TRPM3: variants seen among roughly 807,000 people sequenced by gnomAD.
TRPM3 encodes long transient receptor potential channel 3.
A neutral mutation model predicts 181.2 loss-of-function variants in TRPM3; 77 were observed. That is an observed-to-expected ratio of 0.42 (90% CI 0.35 to 0.51). The LOEUF (loss-of-function observed/expected upper bound fraction) is 0.51. TRPM3 is among the 20% of genes least tolerant of loss of function. The pLI is 0.01. For missense variants in TRPM3, 1,759 were observed against 2,196.7 expected, an observed-to-expected ratio of 0.80 and a Z score of 3.98; for synonymous variants, 745 against 796.4, an observed-to-expected ratio of 0.94 and a Z score of 1.09.
intron 1 of TRPM3, among the ~76,000 whole-genome samples, chr9:70,889,825 C>A (rs1310044475): frequency 2.6e-5 from 4 of 151,052 alleles, no homozygotes; most frequent in African/African-American, 9.7e-5. Context: ...TAAAATGAAA[C>A]AATAAAGGAA....
intron 1 of TRPM3, among the ~76,000 whole-genome samples, chr9:70,928,128 A>T (rs901635934): frequency 2.6e-5 from 4 of 152,198 alleles, no homozygotes; most frequent in African/African-American, 9.6e-5. Flanking sequence ...AGTCAGAGAG[A>T]TAGATCTAGG....
chr9:70,572,422 C>G (rs2052686315), intron 22 of TRPM3, among the ~76,000 whole-genome samples: 1 of 152,122 alleles, frequency 6.6e-6, no homozygotes, highest in African/African-American at 2.4e-5. Flanking sequence ...TAGCTAAACT[C>G]CAAACTTGAT....
chr9:71,170,000 C>CAAAAAAAAAAAAAAAAA (rs34087746), intron 1 of TRPM3, among the ~76,000 whole-genome samples: 1 of 77,166 alleles, frequency 1.3e-5, no homozygotes, highest in Non-Finnish European at 2.4e-5. Context: ...GACTCTGTCT[C>CAAAAAAAAAAAAAAAAA]AAAAAAAAAA....
chr9:71,161,937 C>G (rs895845393), intron 1 of TRPM3, among the ~76,000 whole-genome samples: 1 of 151,922 alleles, frequency 6.6e-6, no homozygotes, highest in Non-Finnish European at 1.5e-5. Flanking sequence ...TATGGGAGCT[C>G]GTGCCTGTAA....
intron 8 of TRPM3, among the ~76,000 whole-genome samples, chr9:70,742,503 G>T (rs1164949414): frequency 6.6e-6 from 1 of 152,078 alleles, no homozygotes; most frequent in Non-Finnish European, 1.5e-5. Context: ...TCCTCCAGCG[G>T]TATAGAACAC....
At chr9:71,249,481 G>C (rs759403909) in intron 1 of TRPM3, among the ~76,000 whole-genome samples, 1 of 152,028 alleles carries the variant, frequency 6.6e-6, no homozygotes, top group Non-Finnish European at 1.5e-5. Flanking sequence ...TAGTTCAGCA[G>C]CATAACACTA....
At chr9:70,947,466 T>A (rs2096946739) in intron 1 of TRPM3, among the ~76,000 whole-genome samples, 1 of 152,170 alleles carries the variant, frequency 6.6e-6, no homozygotes, top group South Asian at 2.1e-4. Flanking sequence ...CCACTATTTT[T>A]ATTTTGTATT....
chr9:71,047,336 C>G (rs150520927), intron 1 of TRPM3, among the ~76,000 whole-genome samples: 392 of 152,032 alleles, frequency 2.6e-3, no homozygotes, highest in Non-Finnish European at 3.9e-3. Flanking sequence ...TTAATATGAT[C>G]CTACTTTTTC....
intron 6 of TRPM3, among the ~76,000 whole-genome samples, chr9:70,812,334 T>C (rs922720891): frequency 6.6e-6 from 1 of 152,176 alleles, no homozygotes; most frequent in Non-Finnish European, 1.5e-5. Flanking sequence ...TCATGAAACA[T>C]CAACATCACT....
At chr9:70,975,977 C>G (rs1158830897) in intron 1 of TRPM3, among the ~76,000 whole-genome samples, 1 of 152,138 alleles carries the variant, frequency 6.6e-6, no homozygotes, top group African/African-American at 2.4e-5. Context: ...TTTAATTCCC[C>G]TTCTTTCTAT....
chr9:71,161,912 T>C (rs984310357), intron 1 of TRPM3, among the ~76,000 whole-genome samples: 5 of 151,944 alleles, frequency 3.3e-5, no homozygotes, highest in South Asian at 2.1e-4. Context: ...TAATTAAAAG[T>C]AAATAGCAGC....
intron 4 of TRPM3, among the ~76,000 whole-genome samples, chr9:70,845,109 G>A (rs867297595): frequency 1.3e-5 from 2 of 152,028 alleles, no homozygotes; most frequent in Non-Finnish European, 1.5e-5. Context: ...AGACTTCATC[G>A]CTGAAATATC....
At position 70,603,346 on chromosome 9, in the gene TRPM3, C is replaced by T; in HGVS notation, c.2792G>A (p.Arg931Lys). 6.2e-7 allele frequency: 1 copy of T among 1,612,890 alleles called. No homozygotes were observed. The highest frequency in any genetic ancestry group is 1.1e-5 in the South Asian group (1 of 90,728). ...TTCTTTTATAAAAGCCGTTACCTCT[C>T]TCATCTTTTCTATTCCCAGGGTGAA... ...YIFTLGIEKM[R>K]EILMSEPGKL... The change falls in exon 20 of 26, where the codon AGA (arginine) becomes AAA (lysine). Residue 931 changes from arginine (R) to lysine (K), a missense_variant. Physicochemically the swap from Arg to Lys is conservative, Grantham distance 26. This residue lies in a region of TRPM3 where 100 missense variants were observed against 123.0 expected (regional missense o/e 0.81). Transcript: ENST00000677713.
At chr9:70,965,375 G>T (rs886329400) in intron 1 of TRPM3, among the ~76,000 whole-genome samples, 3 of 151,782 alleles carry the variant, frequency 2.0e-5, no homozygotes, top group African/African-American at 7.3e-5. Flanking sequence ...CCCCCTTTTT[G>T]AACAAAAATG....
intron 1 of TRPM3, among the ~76,000 whole-genome samples, chr9:71,370,575 G>A (rs1208679620): frequency 1.3e-5 from 2 of 152,154 alleles, no homozygotes; most frequent in Admixed American, 6.5e-5. Flanking sequence ...CTGAGGTTAG[G>A]GAGATGCAGA....
Position 70,675,386 on chromosome 9 carries a change from G to A in TRPM3, c.1345+6120C>T, listed in dbSNP as rs145956165. 3.2e-4 allele frequency among the ~76,000 whole-genome samples: 49 copies of A among 152,300 alleles called. 1 individual carries two copies. Among genetic ancestry groups the A allele is most frequent in the African/African-American group, 1.1e-3 (44 of 41,566 alleles). ...GCTGGGATTACAGGTGTGAGACACTGTGCCAGGCCCATGTTATTTTTAAAT... is the reference window on the plus strand; with the variant it reads ...GCTGGGATTACAGGTGTGAGACACTATGCCAGGCCCATGTTATTTTTAAAT... On this transcript the variant is annotated intron_variant, in intron 9 of 25. Transcript: ENST00000677713.
At chr9:71,366,832 G>A (rs1311083307) in intron 1 of TRPM3, among the ~76,000 whole-genome samples, 1 of 151,768 alleles carries the variant, frequency 6.6e-6, no homozygotes, top group African/African-American at 2.4e-5. Flanking sequence ...AATTTGGCAG[G>A]GGTAAATCTG....
intron 4 of TRPM3, among the ~76,000 whole-genome samples, chr9:70,844,839 T>G (rs1053019146): frequency 6.6e-6 from 1 of 152,236 alleles, no homozygotes; most frequent in African/African-American, 2.4e-5. Flanking sequence ...AGACTTTCTT[T>G]TGAACCTGTA....
intron 1 of TRPM3, among the ~76,000 whole-genome samples, chr9:71,209,745 A>C (rs1488350787): frequency 6.6e-6 from 1 of 152,230 alleles, no homozygotes; most frequent in Non-Finnish European, 1.5e-5. Context: ...GGAAAAAATC[A>C]AAAGAAGAAT....
Sources: gnomAD v4.1 joint callset for allele counts (sites outside exome capture counted in the v4.1 genomes callset) on GRCh38, gnomAD v4.1.1 for gene constraint, gnomAD v4.1.1 regional missense constraint, MANE v1.5 for transcripts, NCBI Gene and HGNC (gene_info 2026-07-23, HGNC 2026-07-21) for gene names.